The following ASIC2 variants were observed in gnomAD, a reference collection of about 807,000 sequenced individuals.
ASIC2 encodes the protein acid-sensing ion channel 2.
In ASIC2, 25 loss-of-function variants were observed where a neutral mutation model predicts 57.3. The ratio of observed to expected loss-of-function variants is 0.44; its 90% confidence interval spans 0.32 to 0.61. The LOEUF is 0.61. Ranked by LOEUF, ASIC2 falls within the 20% of genes least tolerant of loss-of-function variation. The probability of loss-of-function intolerance (pLI) is 0.06; values close to 1 mark genes in which losing one functional copy is unlikely to be tolerated. For synonymous variants in ASIC2, 319 were observed against 307.5 expected, an observed-to-expected ratio of 1.04 and a Z score of -0.39; for missense variants, 641 against 738.1, an observed-to-expected ratio of 0.87 and a Z score of 1.52.
intron 1 of ASIC2, chr17:34,001,283 A>C (rs1342757701): frequency 6.6e-6 from 1 of 152,298 alleles, no homozygotes; most frequent in African/African-American, 2.4e-5. Context: ...CCATCTGATG[A>C]GGTCCATGGG....
At chr17:33,065,100 GT>G (rs970346455) in intron 3 of ASIC2, among the ~76,000 whole-genome samples, 15 of 148,780 alleles carry the variant, frequency 1.0e-4, no homozygotes, top group African/African-American at 3.5e-4. Context: ...TAATAGGCAG[GT>G]TTTTTTTTTG....
intron 1 of ASIC2, among the ~76,000 whole-genome samples, chr17:33,164,573 C>T (rs1353229270): frequency 1.3e-5 from 1 of 77,766 alleles, no homozygotes; most frequent in East Asian, 2.8e-4. Context: ...AAAGCACATG[C>T]ACGCACACAC....
chr17:33,870,276 C>G (rs988725487), intron 1 of ASIC2, among the ~76,000 whole-genome samples: 2 of 92,666 alleles, frequency 2.2e-5, no homozygotes, highest in Non-Finnish European at 4.0e-5. Context: ...ATCAAAGGCT[C>G]TCTGTGGTTG....
chr17:33,188,170 C>G (rs1162867973), intron 1 of ASIC2, among the ~76,000 whole-genome samples: 1 of 151,966 alleles, frequency 6.6e-6, no homozygotes, highest in African/African-American at 2.4e-5. Context: ...TAAAATATAT[C>G]TCAGATTAAA....
chr17:33,785,162 G>A (rs748821344), intron 1 of ASIC2, among the ~76,000 whole-genome samples: 4 of 152,056 alleles, frequency 2.6e-5, no homozygotes, highest in Admixed American at 6.5e-5. Flanking sequence ...GTCCTTATAG[G>A]AAGAGGAGAT....
intron 1 of ASIC2, among the ~76,000 whole-genome samples, chr17:34,050,178 A>G (rs990899159): frequency 2.0e-5 from 3 of 152,246 alleles, no homozygotes; most frequent in African/African-American, 7.2e-5. Context: ...CAGAGAAAAT[A>G]TAACACAGTC....
chr17:33,754,055 AC>A lies in ASIC2; in HGVS notation c.555+401922del, dbSNP rs529437504. On this transcript the variant is annotated intron_variant, in intron 1 of 9. Transcript: ENST00000359872. The stretch of plus-strand genomic sequence containing the variant: ...ACTGCTCTAAAAATCAATTTTAAAA[AC>A]AAAAAATAAAAAGATGGGTGGGAAG... 1.2e-4 allele frequency among the ~76,000 whole-genome samples: 18 copies of A among 152,270 alleles called. No homozygotes were observed. The East Asian group carries it at 2.7e-3, about 23-fold the overall frequency.
chr17:33,922,763 G>A (rs1318033703), intron 1 of ASIC2, among the ~76,000 whole-genome samples: 1 of 152,140 alleles, frequency 6.6e-6, no homozygotes, highest in Non-Finnish European at 1.5e-5. Flanking sequence ...GCTGGTCAAA[G>A]GCAAAGCATC....
intron 1 of ASIC2, chr17:34,038,707 G>A: frequency 6.2e-7 from 1 of 1,602,064 alleles, no homozygotes; most frequent in Non-Finnish European, 8.6e-7. Flanking sequence ...GACCTAATCT[G>A]AGTTTGAAGA....
At chr17:33,852,568 C>T (rs1051037407) in intron 1 of ASIC2, among the ~76,000 whole-genome samples, 3 of 152,126 alleles carry the variant, frequency 2.0e-5, no homozygotes, top group African/African-American at 7.2e-5. Flanking sequence ...GAACTTACAG[C>T]CTAGAAACCG....
intron 1 of ASIC2, among the ~76,000 whole-genome samples, chr17:33,857,139 G>C (rs574217409): frequency 6.6e-6 from 1 of 152,154 alleles, no homozygotes; most frequent in Non-Finnish European, 1.5e-5. Flanking sequence ...CTAACCCCAC[G>C]CTCACTCCAG....
rs532770788 is a variant in ASIC2, at chr17:33,151,209, A to G, written c.709-39142T>C. ...CACACACACACACACACGCGCGCACACACACACACACACAATTAGCCAGGT... is the reference window on the plus strand; with the variant it reads ...CACACACACACACACACGCGCGCACGCACACACACACACAATTAGCCAGGT... On this transcript the variant is annotated intron_variant, in intron 1 of 9. Coordinates refer to ENST00000225823, the MANE Select transcript of ASIC2 (RefSeq NM_183377.2). Among the ~76,000 whole-genome samples, 746 of 151,128 alleles carry G rather than the reference A, an allele frequency of 4.9e-3. 6 individuals are homozygous for G. The highest frequency in any genetic ancestry group is 0.017 in the African/African-American group (713 of 41,164).
chr17:33,702,311 G>A (rs1363549082), intron 1 of ASIC2, among the ~76,000 whole-genome samples: 1 of 152,124 alleles, frequency 6.6e-6, no homozygotes, highest in Non-Finnish European at 1.5e-5. Flanking sequence ...GGGTTAGAGG[G>A]GGGGTATCAC....
intron 2 of ASIC2, among the ~76,000 whole-genome samples, chr17:33,101,803 TATA>T (rs2092213014): frequency 6.6e-6 from 1 of 152,238 alleles, no homozygotes; most frequent in Non-Finnish European, 1.5e-5. Context: ...CCTTGCAGTA[TATA>T]ATGTTTTTGA....
At position 33,159,166 on chromosome 17, in the gene ASIC2, G is replaced by C. The variant is rs555888606; in HGVS notation, c.709-47099C>G. On this transcript the variant is annotated intron_variant, in intron 1 of 9. Coordinates refer to ENST00000225823, the MANE Select transcript of ASIC2 (RefSeq NM_183377.2). Reference sequence around the variant, plus strand: ...GTTTAGTTTCATCATTACCCATTTAGTTTGTTGTGGGTTGTTTGCTTAACA... The same window carrying C: ...GTTTAGTTTCATCATTACCCATTTACTTTGTTGTGGGTTGTTTGCTTAACA... Among the ~76,000 whole-genome samples, 7 of 152,266 alleles carry C rather than the reference G, an allele frequency of 4.6e-5. No individual in the cohort carries two copies. In the South Asian group the frequency reaches 1.5e-3, roughly 32 times the overall value.
At chr17:34,076,983 C>T (rs956935740) in intron 1 of ASIC2, among the ~76,000 whole-genome samples, 19 of 152,314 alleles carry the variant, frequency 1.2e-4, no homozygotes, top group African/African-American at 2.4e-4. Flanking sequence ...CCATTTCTCA[C>T]GGGCTGTCTC....
intron 1 of ASIC2, among the ~76,000 whole-genome samples, chr17:33,234,045 C>T (rs907722817): frequency 1.1e-4 from 17 of 152,186 alleles, no homozygotes; most frequent in African/African-American, 3.4e-4. Context: ...GAAGTAGGCA[C>T]GTGGGCACCC....
chr17:33,242,417 C>T (rs1371412835), intron 1 of ASIC2, among the ~76,000 whole-genome samples: 1 of 152,098 alleles, frequency 6.6e-6, no homozygotes, highest in South Asian at 2.1e-4. Flanking sequence ...TTTTATAGCC[C>T]AGCACTATGA....
At chr17:33,794,135 G>A (rs1911849482) in intron 1 of ASIC2, 1 of 152,122 alleles carries the variant, frequency 6.6e-6, no homozygotes, top group East Asian at 1.9e-4. Context: ...TGCCTCCTAG[G>A]AGCCCCAATT....
Sources: gnomAD v4.1 joint callset for allele counts (sites outside exome capture counted in the v4.1 genomes callset) on GRCh38, gnomAD v4.1.1 for gene constraint, MANE v1.5 for transcripts, NCBI Gene and HGNC (gene_info 2026-07-23, HGNC 2026-07-21) for gene names.